The following RNF175 variants were observed in gnomAD, a reference collection of about 807,000 sequenced individuals.
The protein encoded by RNF175 is ring finger protein 175.
In RNF175, 38 loss-of-function variants were observed where a neutral mutation model predicts 50.0. The observed-to-expected ratio is 0.76, with a 90% CI of 0.59 to 1.00. The LOEUF (loss-of-function observed/expected upper bound fraction) is 1.00, where lower values mean the gene tolerates loss of function less well. RNF175 is among the 50% of genes least tolerant of loss of function. The pLI is 0.00. For missense variants in RNF175, 388 were observed against 409.6 expected (o/e 0.95, Z 0.46); for synonymous variants, 155 against 146.1 (o/e 1.06, Z -0.44).
In RNF175 at chr4:153,734,823, C is replaced by T. The variant is rs547160031; in HGVS notation, c.247-6462G>A. Among the ~76,000 whole-genome samples the T allele has an allele frequency of 1.5e-3, 222 of 151,612 alleles. 1 individual carries two copies. The highest frequency in any genetic ancestry group is 2.6e-3 in the Non-Finnish European group (179 of 67,830). ...CCCGAGTACCTGGGACTACAGGCAC[C>T]CGCCACCACACCCAGCTAATTTTTT... On this transcript the variant is annotated intron_variant, in intron 3 of 8. Transcript: ENST00000347063.
chr4:153,759,732 G>C (rs1740734346), intron 1 of RNF175, 65 bp downstream of exon 1: 1 of 1,117,492 alleles, frequency 8.9e-7, no homozygotes, highest in Non-Finnish European at 1.2e-6. Context: ...CAGCCTGCCC[G>C]GCACCAGCGT....
intron 3 of RNF175, among the ~76,000 whole-genome samples, chr4:153,746,906 T>C (rs1346577868): frequency 6.6e-6 from 1 of 152,224 alleles, no homozygotes; most frequent in African/African-American, 2.4e-5. Flanking sequence ...CCAACGTTTA[T>C]AGCTTGTACC....
Position 153,759,949 on chromosome 4 carries a change from G to A in RNF175, c.-87C>T. 2.6e-6 allele frequency: 2 copies of A among 756,718 alleles called. No individual in the cohort carries two copies. The highest frequency in any genetic ancestry group is 3.7e-6 in the Non-Finnish European group (2 of 540,050). The allele number at this position is 756,718 out of a possible 1,614,324, so 46.9% of individuals were successfully genotyped here. ...GCAGAAGGAGGCGCCGCGGGGCCTC[G>A]GGAGCCGAGGGTGAGAGCCGGATCT... On this transcript the variant is annotated 5_prime_UTR_variant, in exon 1 of 9. Transcript: ENST00000347063.
In RNF175 at chr4:153,728,369, A is replaced by G; in HGVS notation, c.247-8T>C. 1 of 1,612,836 alleles carries G rather than the reference A, an allele frequency of 6.2e-7. No individual in the cohort carries two copies. The highest frequency in any genetic ancestry group is 1.3e-5 in the African/African-American group (1 of 75,024). On this transcript the variant is annotated splice_region_variant and splice_polypyrimidine_tract_variant and intron_variant, in intron 3 of 8. Coordinates refer to ENST00000347063, the MANE Select transcript of RNF175 (RefSeq NM_173662.4). ...CTGCAACAAGGTCACCAGCTGTCAG[A>G]GAAATGAACAGGAAGTATCTTTCAA... is the stretch of plus-strand genomic sequence containing the variant.
Position 153,748,574 on chromosome 4 carries a change from A to G in RNF175, c.246+71T>C, listed in dbSNP as rs1372861625. 1.5e-5 allele frequency: 21 copies of G among 1,394,886 alleles called. 2 individuals are homozygous for G. The South Asian group carries it at 1.9e-4, about 13-fold the overall frequency. 86.4% of individuals were successfully genotyped at this position (1,394,886 alleles called of 1,614,324 possible). On this transcript the variant is annotated intron_variant, in intron 3 of 8. Transcript: ENST00000347063. ...TTCAAAGTGCTAACCAAGGGAGAAC[A>G]TGTCCTGGAAAAAAACAGTCAAGCT...
chr4:153,726,370 G>A (rs1716505585), intron 4 of RNF175, among the ~76,000 whole-genome samples: 1 of 152,194 alleles, frequency 6.6e-6, no homozygotes. Context: ...CTCCCAAAGT[G>A]CTGGGATTAC....
chr4:153,758,992 C>T (rs994528891), intron 1 of RNF175, among the ~76,000 whole-genome samples: 3 of 152,086 alleles, frequency 2.0e-5, no homozygotes, highest in African/African-American at 7.2e-5. Context: ...TCTTCCTACC[C>T]GCTCTGTGAG....
At chr4:153,751,563 T>A (rs1463046300) in intron 1 of RNF175, 88 bp from the exon 2 acceptor site, 36 of 882,252 alleles carry the variant, frequency 4.1e-5, no homozygotes, top group Non-Finnish European at 5.7e-5. Context: ...ACCCAGACCA[T>A]GAAAAATAAC....
chr4:153,739,979 T>C (rs1245721533), intron 3 of RNF175, among the ~76,000 whole-genome samples: 1 of 152,130 alleles, frequency 6.6e-6, no homozygotes, highest in Non-Finnish European at 1.5e-5. Flanking sequence ...AGTATGTGTA[T>C]GTTATATTTT....
intron 5 of RNF175, 68 bp from the exon 6 acceptor site, chr4:153,720,372 T>C: frequency 7.2e-7 from 1 of 1,383,538 alleles, no homozygotes; most frequent in Non-Finnish European, 1.0e-6. Context: ...GTTTGGAAAA[T>C]ATTTCCTGTT....
At chr4:153,733,913 T>C (rs1739187571) in intron 3 of RNF175, among the ~76,000 whole-genome samples, 1 of 152,264 alleles carries the variant, frequency 6.6e-6, no homozygotes, top group Non-Finnish European at 1.5e-5. Flanking sequence ...GCTGTCTCTA[T>C]AGTTTTGTGG....
chr4:153,759,605 G>A (rs1740726289), intron 1 of RNF175, among the ~76,000 whole-genome samples, 192 bp downstream of exon 1: 1 of 152,168 alleles, frequency 6.6e-6, no homozygotes, highest in Non-Finnish European at 1.5e-5. Context: ...GGAGGGAGTG[G>A]AGGAGGGACT....
At chr4:153,711,734 T>C (rs1471990695) in intron 8 of RNF175, among the ~76,000 whole-genome samples, 1 of 152,220 alleles carries the variant, frequency 6.6e-6, no homozygotes, top group Non-Finnish European at 1.5e-5. Context: ...TGAGATATAC[T>C]ATGGTCTTGA....
In RNF175 at chr4:153,748,743, A is replaced by G. The variant is rs1740121862; in HGVS notation, c.148T>C (p.Ser50Pro). ...ATCAAGATCATTTCCACGTGCATGG[A>G]ATCGTGGCCCCGGTGCATCTTGTAC... ...RMYKMHRGHD[S>P]MHVEMILIFL... Residue 50 changes from serine (S) to proline (P), a missense_variant, in exon 3 of 9, where the codon TCC becomes CCC. Coordinates refer to ENST00000347063, the MANE Select transcript of RNF175 (RefSeq NM_173662.4). 1 of 1,612,018 alleles carries G rather than the reference A, an allele frequency of 6.2e-7. No homozygotes were observed. The highest frequency in any genetic ancestry group is 8.5e-7 in the Non-Finnish European group (1 of 1,179,088).
chr4:153,756,482 G>C (rs6851855), intron 1 of RNF175, among the ~76,000 whole-genome samples: 80,388 of 151,892 alleles, frequency 0.53, 21,968 homozygotes, highest in Middle Eastern at 0.63. Flanking sequence ...AAAGCCTGGG[G>C]CATCATCCTT....
intron 1 of RNF175, among the ~76,000 whole-genome samples, chr4:153,754,983 T>C (rs773188429): frequency 7.2e-5 from 11 of 152,232 alleles, no homozygotes; most frequent in African/African-American, 9.6e-5. Context: ...TACAGGTACA[T>C]TGAAACTTCC....
chr4:153,753,322 G>C (rs1380048317), intron 1 of RNF175, among the ~76,000 whole-genome samples: 2 of 151,638 alleles, frequency 1.3e-5, no homozygotes, highest in African/African-American at 4.9e-5. Context: ...CCCCACACTA[G>C]CAGAATACTA....
intron 3 of RNF175, among the ~76,000 whole-genome samples, chr4:153,730,312 T>A (rs1168054873): frequency 6.6e-6 from 1 of 152,066 alleles, no homozygotes; most frequent in Non-Finnish European, 1.5e-5. Context: ...GGTATGTGCC[T>A]GTAGTCCCAG....
At chr4:153,720,380 G>T in intron 5 of RNF175, 76 bp from the exon 6 acceptor site, 3 of 1,261,894 alleles carry the variant, frequency 2.4e-6, no homozygotes, top group Non-Finnish European at 3.4e-6. Flanking sequence ...AATATTTCCT[G>T]TTGATGGTAT....
Sources: allele counts gnomAD v4.1 joint callset (sites outside exome capture counted in the v4.1 genomes callset), GRCh38; gene constraint gnomAD v4.1.1; transcripts MANE v1.5; gene names NCBI Gene and HGNC (gene_info 2026-07-23, HGNC 2026-07-21).